VPS13B: variants seen among roughly 807,000 people sequenced by gnomAD.
VPS13B encodes the protein vacuolar protein sorting 13 homolog B.
Under a neutral mutation model 426.4 loss-of-function variants are expected in VPS13B, and 285 were observed. The observed-to-expected ratio is 0.67, with a 90% CI of 0.61 to 0.74. VPS13B has a LOEUF of 0.74. VPS13B is among the 30% of genes least tolerant of loss of function. VPS13B has a pLI of 0.00. For missense variants in VPS13B, 4,537 were observed against 4,782.6 expected (o/e 0.95, Z 1.51); for synonymous variants, 1,676 against 1,676.4 (o/e 1.00, Z 0.01).
At chr8:99,352,418 T>G (rs1811940297) in intron 19 of VPS13B, among the ~76,000 whole-genome samples, 1 of 152,168 alleles carries the variant, frequency 6.6e-6, no homozygotes, top group Non-Finnish European at 1.5e-5. Context: ...ATCTCTTATG[T>G]CATAAATAGT....
intron 58 of VPS13B, among the ~76,000 whole-genome samples, chr8:99,866,896 C>T (rs544383280): frequency 6.6e-6 from 1 of 151,970 alleles, no homozygotes; most frequent in East Asian, 1.9e-4. Flanking sequence ...GAGTGACCCT[C>T]ACTCTTGATA....
intron 31 of VPS13B, among the ~76,000 whole-genome samples, chr8:99,572,949 T>G (rs1238699399): frequency 2.0e-5 from 3 of 152,196 alleles, no homozygotes; most frequent in South Asian, 2.1e-4. Flanking sequence ...TTTCTCCACA[T>G]CCTCTCCAGC....
Position 99,766,838 on chromosome 8 carries a change from ATCTG to A in VPS13B, c.7120_7123del (p.Ser2374LysfsTer15). On this transcript the variant is annotated frameshift_variant, in exon 40 of 62. Transcript: ENST00000357162. LOFTEE classifies it high-confidence loss of function. ...GTTTTTGTTGCATTTAGAGAATTTA[ATCTG>A]TCTGAAAGCAAAGTTTGTGAACTGC... 6.2e-7 allele frequency: 1 copy of A among 1,614,036 alleles called. No homozygotes were observed. The highest frequency in any genetic ancestry group is 8.5e-7 in the Non-Finnish European group (1 of 1,179,978).
chr8:99,799,139 A>G (rs1813003726), intron 43 of VPS13B: 2 of 152,254 alleles, frequency 1.3e-5, no homozygotes, highest in Non-Finnish European at 2.9e-5. Flanking sequence ...GGTCAGAATA[A>G]TGCCCAGGAC....
At chr8:99,755,847 G>C (rs910323852) in intron 39 of VPS13B, among the ~76,000 whole-genome samples, 3 of 151,776 alleles carry the variant, frequency 2.0e-5, no homozygotes, top group African/African-American at 7.3e-5. Flanking sequence ...AGTTCCCTTT[G>C]TTTATTTACA....
At chr8:99,381,426 T>G (rs771659471) in intron 19 of VPS13B, among the ~76,000 whole-genome samples, 1 of 152,292 alleles carries the variant, frequency 6.6e-6, no homozygotes, top group East Asian at 1.9e-4. Flanking sequence ...TACCTTGTAA[T>G]GGGGTGGCTG....
intron 10 of VPS13B, 140 bp from the exon 11 acceptor site, chr8:99,135,456 G>A (rs1810025762): frequency 7.8e-6 from 9 of 1,158,206 alleles, no homozygotes; most frequent in Non-Finnish European, 1.1e-5. Flanking sequence ...GTCAATGAAG[G>A]TGGAGCAGCA....
intron 36 of VPS13B, among the ~76,000 whole-genome samples, chr8:99,706,792 T>C (rs1429883150): frequency 6.6e-6 from 1 of 152,140 alleles, no homozygotes; most frequent in Non-Finnish European, 1.5e-5. Flanking sequence ...AGGTTAGTAT[T>C]AAGTAAAATG....
chr8:99,339,235 A>G (rs1195801915), intron 19 of VPS13B, among the ~76,000 whole-genome samples: 3 of 152,234 alleles, frequency 2.0e-5, no homozygotes, highest in South Asian at 2.1e-4. Context: ...TTGCATTGCT[A>G]TAAAGAAATA....
At chr8:99,483,515 A>G (rs1003714967) in intron 25 of VPS13B, among the ~76,000 whole-genome samples, 8 of 152,208 alleles carry the variant, frequency 5.3e-5, no homozygotes, top group African/African-American at 1.7e-4. Flanking sequence ...CAGTCTGCCT[A>G]TTAACACTTT....
chr8:99,370,908 C>T (rs1040859361), intron 19 of VPS13B, among the ~76,000 whole-genome samples: 4 of 152,046 alleles, frequency 2.6e-5, no homozygotes, highest in Non-Finnish European at 5.9e-5. Context: ...CTGTGCCCAA[C>T]CTTAAGTTTT....
chr8:99,384,170 G>T lies in VPS13B; in HGVS notation c.2825-38G>T, dbSNP rs551225819. 2.3e-5 allele frequency: 35 copies of T among 1,522,246 alleles called. No individual in the cohort carries two copies. The East Asian group carries it at 5.4e-4, about 24-fold the overall frequency. The allele number at this position is 1,522,246 out of a possible 1,614,324, so 94.3% of individuals were successfully genotyped here. A position where few individuals can be genotyped will look rare whatever the true frequency, so the allele number is the denominator to read the frequency against. Reference sequence around the variant, plus strand: ...TGACAAATAGCTTATTGTTTTTTATGAGGACTTATGTAACAGTTTAAAAAT... The same window carrying T: ...TGACAAATAGCTTATTGTTTTTTATTAGGACTTATGTAACAGTTTAAAAAT... On this transcript the variant is annotated intron_variant, in intron 19 of 61. Transcript: ENST00000357162.
At chr8:99,339,112 T>A (rs935797523) in intron 19 of VPS13B, among the ~76,000 whole-genome samples, 8 of 152,222 alleles carry the variant, frequency 5.3e-5, no homozygotes, top group South Asian at 2.1e-4. Context: ...TGTATCATTT[T>A]AAAAATATTT....
intron 3 of VPS13B, among the ~76,000 whole-genome samples, chr8:99,042,251 ATATT>A (rs1237664638): frequency 1.3e-5 from 2 of 152,126 alleles, no homozygotes; most frequent in African/African-American, 4.8e-5. Flanking sequence ...TTTTATGTAT[ATATT>A]CTTACCATCT....
chr8:99,795,394 G>A (rs889945806), intron 43 of VPS13B, among the ~76,000 whole-genome samples: 1 of 152,136 alleles, frequency 6.6e-6, no homozygotes, highest in African/African-American at 2.4e-5. Context: ...GAAGTATGTA[G>A]ACATTCACTA....
intron 40 of VPS13B, among the ~76,000 whole-genome samples, chr8:99,769,759 GT>G (rs1811391410): frequency 6.6e-6 from 1 of 152,138 alleles, no homozygotes; most frequent in Non-Finnish European, 1.5e-5. Flanking sequence ...ATGCTATTTG[GT>G]GTTGTGAGAT....
intron 39 of VPS13B, among the ~76,000 whole-genome samples, chr8:99,750,105 T>A (rs1289511937): frequency 6.6e-6 from 1 of 152,186 alleles, no homozygotes; most frequent in Non-Finnish European, 1.5e-5. Flanking sequence ...TTTATGTGTG[T>A]TTGAAATGGT....
At chr8:99,243,163 A>T (rs891041057) in intron 17 of VPS13B, among the ~76,000 whole-genome samples, 10 of 152,232 alleles carry the variant, frequency 6.6e-5, no homozygotes, top group South Asian at 2.1e-4. Context: ...GATGTTTCTG[A>T]CAAAATATAC....
intron 33 of VPS13B, among the ~76,000 whole-genome samples, chr8:99,633,842 T>TGC (rs1554881649): frequency 2.6e-5 from 4 of 151,358 alleles, no homozygotes; most frequent in African/African-American, 9.7e-5. Flanking sequence ...TGTGTGTGCG[T>TGC]GTTTTAACTG....
Sources: allele counts gnomAD v4.1 joint callset (sites outside exome capture counted in the v4.1 genomes callset), GRCh38; gene constraint gnomAD v4.1.1; transcripts MANE v1.5; gene names NCBI Gene and HGNC (gene_info 2026-07-23, HGNC 2026-07-21).